Variants in SPDYE14 observed in about 807,000 individuals in gnomAD.
SPDYE14 encodes the protein speedy/RINGO cell cycle regulator family member E14, also known as speedy protein E14.
chr7:75,241,669 T>TAA, the SPDYE14 span, among the ~76,000 whole-genome samples: 3 of 22,672 alleles, frequency 1.3e-4, no homozygotes, highest in Non-Finnish European at 3.1e-4. Context: ...TGGGTCTTGG[T>TAA]AAAAAAAAAA....
the SPDYE14 span, among the ~76,000 whole-genome samples, chr7:75,244,986 C>T: frequency 2.4e-5 from 1 of 41,256 alleles, no homozygotes; most frequent in African/African-American, 6.3e-5. Flanking sequence ...CTCAGCTACT[C>T]GGGAGGCTGA....
the SPDYE14 span, among the ~76,000 whole-genome samples, chr7:75,246,625 G>A: frequency 7.3e-5 from 1 of 13,782 alleles, no homozygotes; most frequent in African/African-American, 2.5e-4. Context: ...CTGGGCGACA[G>A]AGTGAGACTC....
the SPDYE14 span, among the ~76,000 whole-genome samples, chr7:75,265,021 GTT>G: frequency 2.8e-5 from 1 of 35,168 alleles, no homozygotes; most frequent in African/African-American, 7.0e-5. Context: ...TTCTTTGCCT[GTT>G]TTTTTTTTTT....
chr7:75,273,767 T>G, the SPDYE14 span, among the ~76,000 whole-genome samples: 1 of 57,324 alleles, frequency 1.7e-5, no homozygotes, highest in Non-Finnish European at 4.5e-5. Context: ...ACATTGGGAG[T>G]TAGGAGTTTG....
At chr7:75,271,829 A>G in the SPDYE14 span, among the ~76,000 whole-genome samples, 37 of 46,706 alleles carry the variant, frequency 7.9e-4, 5 homozygotes, top group African/African-American at 1.8e-3. Flanking sequence ...AAAAGTGACA[A>G]TGATCATTCC....
At chr7:75,261,453 C>CTT in the SPDYE14 span, among the ~76,000 whole-genome samples, 17,067 of 39,642 alleles carry the variant, frequency 0.43, 4,055 homozygotes, top group East Asian at 0.81. Flanking sequence ...TCAAGAACAC[C>CTT]TTTTTTTTTT....
the SPDYE14 span, among the ~76,000 whole-genome samples, chr7:75,279,756 G>GT: frequency 3.5e-5 from 2 of 57,510 alleles, 1 homozygote; most frequent in Non-Finnish European, 8.4e-5. Context: ...CTAATTTTTT[G>GT]TATTTTTACT....
the SPDYE14 span, among the ~76,000 whole-genome samples, chr7:75,278,634 G>A: frequency 3.7e-5 from 1 of 26,800 alleles, no homozygotes; most frequent in Admixed American, 4.9e-4. Context: ...TCCCAAACCA[G>A]GATTTTCATC....
At chr7:75,254,193 G>T in the SPDYE14 span, among the ~76,000 whole-genome samples, 1 of 49,768 alleles carries the variant, frequency 2.0e-5, no homozygotes. Flanking sequence ...ACTCCATCCA[G>T]CCTGGTGACT....
chr7:75,249,570 C>T, the SPDYE14 span, among the ~76,000 whole-genome samples: 83 of 119,740 alleles, frequency 6.9e-4, no homozygotes, highest in African/African-American at 2.7e-3. Context: ...CATTTTCTTC[C>T]TTCCTTCTTT....
At chr7:75,300,249 C>CA in the SPDYE14 span, among the ~76,000 whole-genome samples, 1 of 76 alleles carries the variant, frequency 0.013, no homozygotes, top group Admixed American at 0.083. Flanking sequence ...ACCAAAAATA[C>CA]AAAAAATTAG....
At chr7:75,261,136 G>T in the SPDYE14 span, among the ~76,000 whole-genome samples, 68 of 91,014 alleles carry the variant, frequency 7.5e-4, 4 homozygotes, top group East Asian at 2.0e-3. Context: ...AAAGGAAAAA[G>T]AAAAATAAAA....
At chr7:75,268,865 GA>G in the SPDYE14 span, among the ~76,000 whole-genome samples, 2 of 22,456 alleles carry the variant, frequency 8.9e-5, no homozygotes. Context: ...GAGAGAGAGA[GA>G]GAGAGAGAGA....
the SPDYE14 span, chr7:75,237,679 G>T: frequency 9.8e-6 from 1 of 101,712 alleles, no homozygotes; most frequent in Non-Finnish European, 2.3e-5. Flanking sequence ...CCGGCGCGGG[G>T]AGCAGCTGGT....
chr7:75,241,695 A>ATAT, the SPDYE14 span, among the ~76,000 whole-genome samples: 32 of 15,488 alleles, frequency 2.1e-3, no homozygotes, highest in South Asian at 0.012. Context: ...ATATATATAT[A>ATAT]TTTTTTTTTT....
the SPDYE14 span, among the ~76,000 whole-genome samples, chr7:75,261,453 C>CTTT: frequency 0.036 from 1,424 of 39,864 alleles, 50 homozygotes; most frequent in African/African-American, 0.054. Context: ...TCAAGAACAC[C>CTTT]TTTTTTTTTT....
chr7:75,276,411 C>CA, the SPDYE14 span, among the ~76,000 whole-genome samples: 27 of 20,758 alleles, frequency 1.3e-3, 6 homozygotes, highest in African/African-American at 1.5e-3. Flanking sequence ...ACAACAACAA[C>CA]AAAAAAAAAA....
chr7:75,274,903 C>G, the SPDYE14 span, among the ~76,000 whole-genome samples: 4 of 63,890 alleles, frequency 6.3e-5, no homozygotes, highest in Non-Finnish European at 1.6e-4. Flanking sequence ...ATAAGGAAAA[C>G]CAAGGAACTT....
the SPDYE14 span, among the ~76,000 whole-genome samples, chr7:75,249,680 CTCTTT>C: frequency 4.8e-5 from 3 of 63,018 alleles, 1 homozygote; most frequent in African/African-American, 1.8e-4. Context: ...CTCCCTCTCT[CTCTTT>C]TTTTTTGAGA....
Sources: gnomAD v4.1 joint callset for allele counts (sites outside exome capture counted in the v4.1 genomes callset) on GRCh38, gnomAD v4.1.1 for gene constraint, MANE v1.5 for transcripts, NCBI Gene and HGNC (gene_info 2026-07-23, HGNC 2026-07-21) for gene names.